The following SPTBN1 variants were observed in gnomAD, a reference collection of about 807,000 sequenced individuals.
SPTBN1 encodes spectrin beta chain, non-erythrocytic 1.
In SPTBN1, 32 loss-of-function variants were observed where a neutral mutation model predicts 266.4. The ratio of observed to expected loss-of-function variants is 0.12; its 90% CI spans 0.09 to 0.16. The LOEUF (loss-of-function observed/expected upper bound fraction) is 0.16. Among genes scored for constraint, SPTBN1 ranks in the 10% least tolerant of loss-of-function variants. The pLI is 1.00. For synonymous variants in SPTBN1, 1,336 were observed against 1,162.2 expected, an observed-to-expected ratio of 1.15 and a Z score of -3.04; for missense variants, 2,296 against 3,067.1, an observed-to-expected ratio of 0.75 and a Z score of 5.94.
intron 2 of SPTBN1, chr2:54,529,339 T>A: frequency 1.7e-6 from 1 of 576,842 alleles, no homozygotes; most frequent in Non-Finnish European, 3.2e-6. Context: ...GAGACCCTTT[T>A]CAGAAGATGG....
intron 1 of SPTBN1, among the ~76,000 whole-genome samples, chr2:54,464,880 C>T (rs1040048986): frequency 1.3e-5 from 2 of 152,018 alleles, no homozygotes; most frequent in Non-Finnish European, 2.9e-5. Flanking sequence ...TTTATAGAGA[C>T]GAGGTTTCAC....
chr2:54,595,304 G>A (rs954256132), intron 2 of SPTBN1, among the ~76,000 whole-genome samples: 5 of 152,150 alleles, frequency 3.3e-5, no homozygotes, highest in African/African-American at 9.7e-5. Context: ...AGTAAACTGC[G>A]GGAGGGTGGG....
chr2:54,522,858 A>G (rs1172031702), intron 1 of SPTBN1, among the ~76,000 whole-genome samples: 2 of 152,088 alleles, frequency 1.3e-5, no homozygotes, highest in African/African-American at 4.8e-5. Context: ...CAGGTATAGC[A>G]GCCCTGGGGG....
intron 1 of SPTBN1, among the ~76,000 whole-genome samples, chr2:54,494,930 AT>A (rs966160456): frequency 2.7e-5 from 4 of 146,816 alleles, no homozygotes; most frequent in East Asian, 2.0e-4. Flanking sequence ...AAAAAAAAAA[AT>A]GTCCTGAAAA....
rs972142670 is a variant in SPTBN1, at chr2:54,571,180, G to A, written c.149-27912G>A. On this transcript the variant is annotated intron_variant, in intron 2 of 35. Transcript: ENST00000356805. Reference sequence around the variant, plus strand: ...AAGTGGCTCAGAACATTGTAGTGGTGGTTTGGCGTGCCTGTCAAGGGCTGT... The same window carrying A: ...AAGTGGCTCAGAACATTGTAGTGGTAGTTTGGCGTGCCTGTCAAGGGCTGT... Among the ~76,000 whole-genome samples the A allele has an allele frequency of 2.6e-5, 4 of 151,978 alleles. No homozygotes were observed. In the East Asian group the frequency reaches 7.7e-4, roughly 29 times the overall value.
intron 32 of SPTBN1, chr2:54,661,748 G>C: frequency 4.1e-6 from 4 of 985,398 alleles, no homozygotes; most frequent in Non-Finnish European, 4.8e-6. Context: ...ATATATATGT[G>C]TGTGTGTTTA....
At chr2:54,598,431 C>T (rs770423017) in intron 2 of SPTBN1, among the ~76,000 whole-genome samples, 21 of 149,652 alleles carry the variant, frequency 1.4e-4, no homozygotes, top group Non-Finnish European at 2.5e-4. Flanking sequence ...CCGATGCCTG[C>T]GATGTCTTTG....
intron 2 of SPTBN1, among the ~76,000 whole-genome samples, chr2:54,584,310 T>G (rs961626911): frequency 1.3e-5 from 2 of 152,248 alleles, no homozygotes; most frequent in Non-Finnish European, 2.9e-5. Context: ...CTTTTCTGTT[T>G]TGCTGTTGCT....
At chr2:54,578,289 G>A (rs1674627022) in intron 2 of SPTBN1, among the ~76,000 whole-genome samples, 1 of 152,202 alleles carries the variant, frequency 6.6e-6, no homozygotes, top group African/African-American at 2.4e-5. Context: ...ATGGAGTTAG[G>A]CCAGGAAACC....
At chr2:54,464,295 TC>T (rs1279697503) in intron 1 of SPTBN1, among the ~76,000 whole-genome samples, 3 of 152,188 alleles carry the variant, frequency 2.0e-5, no homozygotes, top group Non-Finnish European at 4.4e-5. Context: ...TGGAACATAA[TC>T]AAATAAATTA....
At chr2:54,518,330 G>T (rs1401175823) in intron 1 of SPTBN1, among the ~76,000 whole-genome samples, 2 of 151,882 alleles carry the variant, frequency 1.3e-5, no homozygotes, top group African/African-American at 4.8e-5. Flanking sequence ...GGGAGGGATA[G>T]CATTAGGAGA....
Position 54,558,656 on chromosome 2 carries a change from A to C in SPTBN1, c.148+32090A>C. 2.7e-6 allele frequency: 4 copies of C among 1,495,278 alleles called. No homozygotes were observed. The highest frequency in any genetic ancestry group is 3.6e-6 in the Non-Finnish European group (4 of 1,121,238). The allele number at this position is 1,495,278 out of a possible 1,614,324, so 92.6% of individuals were successfully genotyped here. ...TCAGATCACCCTGCTGGACTTGCAG[A>C]CCGGAATGGGGCTCGCCTAAGGAGC... On this transcript the variant is annotated intron_variant, in intron 2 of 35. Coordinates refer to ENST00000356805, the MANE Select transcript of SPTBN1 (RefSeq NM_003128.3). This position sits in a 1 kb window ranked among gnomAD's most constrained non-coding sequence, Gnocchi z 4.6.
chr2:54,625,731 C>T (rs1678277923), intron 11 of SPTBN1, among the ~76,000 whole-genome samples: 3 of 152,142 alleles, frequency 2.0e-5, no homozygotes, highest in Non-Finnish European at 4.4e-5. Flanking sequence ...GCTGGCATTA[C>T]AGGCACGTGC....
At chr2:54,597,118 A>G (rs1676142038) in intron 2 of SPTBN1, among the ~76,000 whole-genome samples, 1 of 152,216 alleles carries the variant, frequency 6.6e-6, no homozygotes, top group Non-Finnish European at 1.5e-5. Flanking sequence ...TTCTGACTCC[A>G]GTATAACGCA....
At chr2:54,494,391 A>G (rs930730424) in intron 1 of SPTBN1, among the ~76,000 whole-genome samples, 1 of 152,186 alleles carries the variant, frequency 6.6e-6, no homozygotes, top group African/African-American at 2.4e-5. Context: ...ATTTAACTAG[A>G]GATACCTAGG....
intron 2 of SPTBN1, among the ~76,000 whole-genome samples, chr2:54,587,882 A>C (rs1675395878): frequency 6.6e-6 from 1 of 152,168 alleles, no homozygotes; most frequent in Non-Finnish European, 1.5e-5. Context: ...GACTGACCTG[A>C]CATGTGGATA....
Position 54,629,792 on chromosome 2 carries a change from C to T in SPTBN1, c.2658C>T (p.Val886=), listed in dbSNP as rs1678611013. Residue 886 remains valine (V), a synonymous_variant, in exon 14 of 36, where the codon GTC becomes GTT. Transcript: ENST00000356805. ...CAGAGAAGCTGGAGGATCTGGAGGT[C>T]ATCCAGCACAGGTGAGCGGGGCGCT... The part of the protein sequence containing the change: ...QIPEKLEDLE[V]IQHRFESLEP... The T allele has an allele frequency of 1.2e-6, 2 of 1,609,594 alleles. No homozygotes were observed. The highest frequency in any genetic ancestry group is 1.7e-5 in the Admixed American group (1 of 59,962).
chr2:54,647,942 A>G (rs1234244754), intron 24 of SPTBN1, among the ~76,000 whole-genome samples: 2 of 152,212 alleles, frequency 1.3e-5, no homozygotes, highest in African/African-American at 4.8e-5. Flanking sequence ...CAGTTTAGTA[A>G]AGTAATTACT....
At chr2:54,527,502 C>T (rs933678971) in intron 2 of SPTBN1, 5 of 152,154 alleles carry the variant, frequency 3.3e-5, no homozygotes, top group Admixed American at 3.3e-4. Context: ...GGAAACCTAA[C>T]CCAGAGTGGT....
Sources: gnomAD v4.1 joint callset for allele counts (sites outside exome capture counted in the v4.1 genomes callset) on GRCh38, gnomAD v4.1.1 for gene constraint, Gnocchi (gnomAD v3.1) non-coding constraint, MANE v1.5 for transcripts, NCBI Gene and HGNC (gene_info 2026-07-23, HGNC 2026-07-21) for gene names.